The following LARGE1 variants were observed in gnomAD, a reference collection of about 807,000 sequenced individuals.
LARGE1 encodes xylosyl- and glucuronyltransferase LARGE1.
In LARGE1, 43 loss-of-function variants were observed where a neutral mutation model predicts 87.6. That is an observed-to-expected ratio of 0.49 (90% confidence interval 0.38 to 0.63). LARGE1 has a LOEUF of 0.63. LARGE1 is among the 30% of genes least tolerant of loss of function. LARGE1 has a pLI of 0.00. For synonymous variants in LARGE1, 434 were observed against 394.6 expected (o/e 1.10, Z -1.18); for missense variants, 802 against 1,000.2 (o/e 0.80, Z 2.67).
chr22:33,756,410 T>A (rs1384177355), intron 2 of LARGE1, among the ~76,000 whole-genome samples: 1 of 151,852 alleles, frequency 6.6e-6, no homozygotes, highest in African/African-American at 2.4e-5. Context: ...GAGCCCTGAG[T>A]ATTAAGGGTA....
chr22:33,649,780 G>A (rs908799055), intron 3 of LARGE1, among the ~76,000 whole-genome samples: 2 of 152,170 alleles, frequency 1.3e-5, no homozygotes, highest in African/African-American at 4.8e-5. Flanking sequence ...GTGGATGCAG[G>A]TATTTGAGGA....
At chr22:33,891,922 A>G (rs2146837015) in intron 1 of LARGE1, among the ~76,000 whole-genome samples, 1 of 152,312 alleles carries the variant, frequency 6.6e-6, no homozygotes, top group East Asian at 1.9e-4. Flanking sequence ...ATAGGATCCT[A>G]GTCTAATAGT....
intron 6 of LARGE1, among the ~76,000 whole-genome samples, chr22:33,494,066 A>G (rs2069985762): frequency 6.6e-6 from 1 of 152,240 alleles, no homozygotes; most frequent in African/African-American, 2.4e-5. Context: ...AAATACGAGA[A>G]ATTAACTTTT....
chr22:33,325,045 G>A (rs1937118422), intron 10 of LARGE1, among the ~76,000 whole-genome samples: 1 of 152,190 alleles, frequency 6.6e-6, no homozygotes, highest in African/African-American at 2.4e-5. Flanking sequence ...CATTGCTTAA[G>A]GTTATACAAT....
intron 6 of LARGE1, among the ~76,000 whole-genome samples, chr22:33,556,205 G>T (rs1029323459): frequency 6.6e-6 from 1 of 151,878 alleles, no homozygotes; most frequent in African/African-American, 2.4e-5. Context: ...GTGTTCAGAT[G>T]TATCTAGAAT....
chr22:33,728,873 T>C (rs2083365170), intron 2 of LARGE1, among the ~76,000 whole-genome samples: 1 of 152,208 alleles, frequency 6.6e-6, no homozygotes, highest in Non-Finnish European at 1.5e-5. Flanking sequence ...TGGCCTGCGG[T>C]TGGCCTCAGC....
chr22:33,853,342 C>T (rs755500761), intron 1 of LARGE1, among the ~76,000 whole-genome samples: 1 of 152,154 alleles, frequency 6.6e-6, no homozygotes, highest in African/African-American at 2.4e-5. Context: ...GCTTTTCAAG[C>T]ACACACAGGT....
At position 33,503,871 on chromosome 22, in the gene LARGE1, CTAAA is replaced by C. The variant is rs1329710652; in HGVS notation, c.787+60973_787+60976del. Among the ~76,000 whole-genome samples, 6 of 152,064 alleles carry C rather than the reference CTAAA, an allele frequency of 3.9e-5. No individual in the cohort carries two copies. In the East Asian group the frequency reaches 1.2e-3, roughly 29 times the overall value. On this transcript the variant is annotated intron_variant, in intron 6 of 14. Transcript: ENST00000397394. ...AACAAAAACCATGAGAACAACCTACCTAAATGTCAGTCGAACCGATGAATGGATA... is the reference window on the plus strand; with the variant it reads ...AACAAAAACCATGAGAACAACCTACCTGTCAGTCGAACCGATGAATGGATA...
intron 9 of LARGE1, among the ~76,000 whole-genome samples, chr22:33,364,844 A>G (rs2064528212): frequency 6.6e-6 from 1 of 151,810 alleles, no homozygotes; most frequent in South Asian, 2.1e-4. Context: ...CTACAGGCAC[A>G]TGCCACCATG....
chr22:33,572,073 T>C, intron 5 of LARGE1: 1 of 521,326 alleles, frequency 1.9e-6, no homozygotes, highest in Non-Finnish European at 3.5e-6. Flanking sequence ...CCTAAGGCGT[T>C]ACTATATATG....
intron 1 of LARGE1, among the ~76,000 whole-genome samples, chr22:33,807,730 T>C (rs4603882): frequency 0.43 from 64,882 of 152,074 alleles, 14,002 homozygotes; most frequent in East Asian, 0.58. Context: ...TTGCCTTTTC[T>C]AGAATGTCAC....
intron 11 of LARGE1, among the ~76,000 whole-genome samples, chr22:33,309,195 C>G (rs1018054862): frequency 6.7e-6 from 1 of 149,436 alleles, no homozygotes; most frequent in Non-Finnish European, 1.5e-5. Flanking sequence ...GAGACTGAGT[C>G]TCACTCTGTT....
At chr22:33,861,891 T>G in intron 1 of LARGE1, among the ~76,000 whole-genome samples, 1 of 122,562 alleles carries the variant, frequency 8.2e-6, no homozygotes, top group Non-Finnish European at 1.6e-5. Context: ...TGAGACAAGG[T>G]CTCACTCTGT....
chr22:33,664,543 C>G (rs1449900065), intron 2 of LARGE1, among the ~76,000 whole-genome samples: 1 of 152,220 alleles, frequency 6.6e-6, no homozygotes, highest in Non-Finnish European at 1.5e-5. Flanking sequence ...ACTCATTCTA[C>G]TTGTCACTCA....
chr22:33,855,732 TG>T (rs959529843), intron 1 of LARGE1, among the ~76,000 whole-genome samples: 21 of 151,994 alleles, frequency 1.4e-4, no homozygotes, highest in Non-Finnish European at 2.9e-4. Context: ...AAACTCAGAG[TG>T]GGGGGGTTCC....
At chr22:33,438,259 T>C (rs1205426969) in intron 6 of LARGE1, among the ~76,000 whole-genome samples, 2 of 152,106 alleles carry the variant, frequency 1.3e-5, no homozygotes, top group Non-Finnish European at 2.9e-5. Context: ...TTGGGGGAGA[T>C]GACACAGGTG....
At chr22:33,465,754 AT>A (rs1291947408) in intron 6 of LARGE1, among the ~76,000 whole-genome samples, 3 of 152,212 alleles carry the variant, frequency 2.0e-5, no homozygotes, top group Non-Finnish European at 4.4e-5. Context: ...TGCCAAGAAC[AT>A]TCCTTAAAAG....
In LARGE1 at chr22:33,620,657, C is replaced by A. The variant is rs142005480; in HGVS notation, c.491+5587G>T. 7.2e-5 allele frequency among the ~76,000 whole-genome samples: 11 copies of A among 152,276 alleles called. No homozygotes were observed. In the East Asian group the frequency reaches 1.9e-3, roughly 27 times the overall value. On this transcript the variant is annotated intron_variant, in intron 4 of 14. Coordinates refer to ENST00000397394, the MANE Select transcript of LARGE1 (RefSeq NM_133642.5). ...AAGATTACGCCCAGGCATGGTGGCT[C>A]ACACCTGTAACCCCAGCTCTTTGGG...
intron 7 of LARGE1, among the ~76,000 whole-genome samples, chr22:33,422,223 C>G (rs1268512935): frequency 6.6e-6 from 1 of 152,162 alleles, no homozygotes; most frequent in Non-Finnish European, 1.5e-5. Context: ...ATGTGGGTAC[C>G]ACAGGCCGTT....
Sources: gnomAD v4.1 joint callset for allele counts (sites outside exome capture counted in the v4.1 genomes callset) on GRCh38, gnomAD v4.1.1 for gene constraint, MANE v1.5 for transcripts, NCBI Gene and HGNC (gene_info 2026-07-23, HGNC 2026-07-21) for gene names.